Variants in NXPE2 observed in about 807,000 individuals in gnomAD.
NXPE2 encodes the protein neurexophilin and PC-esterase domain family member 2.
NXPE2 carries 34 observed loss-of-function variants against 34.4 expected under a neutral mutation model. That is an observed-to-expected ratio of 0.99 (90% CI 0.75 to 1.31). The LOEUF is 1.31. NXPE2 is among the 40% of genes most tolerant of loss of function. The pLI is 0.00. For synonymous variants in NXPE2, 235 were observed against 231.3 expected (o/e 1.02, Z -0.15); for missense variants, 649 against 672.5 (o/e 0.97, Z 0.39).
At chr11:114,557,834 A>T in the NXPE2 span, among the ~76,000 whole-genome samples, 5 of 151,916 alleles carry the variant, frequency 3.3e-5, no homozygotes, top group Middle Eastern at 3.4e-3. Flanking sequence ...GTTACATTTT[A>T]AAAAATCTTA....
chr11:114,687,171 T>C (rs186328600), intron 2 of NXPE2, among the ~76,000 whole-genome samples: 11 of 152,228 alleles, frequency 7.2e-5, no homozygotes, highest in Admixed American at 7.2e-4. Context: ...GAGGGCTTAG[T>C]TATAAATTCT....
the NXPE2 span, among the ~76,000 whole-genome samples, chr11:114,614,160 C>G: frequency 6.7e-6 from 1 of 148,542 alleles, no homozygotes; most frequent in Non-Finnish European, 1.5e-5. Flanking sequence ...TCATGGGTAC[C>G]AACTCTTACC....
chr11:114,491,871 A>T, the NXPE2 span, among the ~76,000 whole-genome samples: 1 of 152,216 alleles, frequency 6.6e-6, no homozygotes, highest in Non-Finnish European at 1.5e-5. Context: ...GACATGGATG[A>T]AGCTGGAAAC....
chr11:114,492,516 C>T, the NXPE2 span, among the ~76,000 whole-genome samples: 8 of 151,460 alleles, frequency 5.3e-5, no homozygotes, highest in African/African-American at 1.9e-4. Context: ...ATCTGTAGTG[C>T]AGATTAAGTC....
chr11:114,601,226 T>C, the NXPE2 span, among the ~76,000 whole-genome samples: 2 of 151,182 alleles, frequency 1.3e-5, no homozygotes, highest in African/African-American at 4.9e-5. Context: ...AAGTAATTTT[T>C]CATCCCATTT....
Position 114,698,532 on chromosome 11 carries a change from G to A in NXPE2, c.620G>A (p.Arg207Lys). ...SEGVSALWRARNQGCDRIIFT... is the reference protein window; with the variant it reads ...SEGVSALWRAKNQGCDRIIFT... ...GGGGTATCAGCTCTCTGGAGGGCAA[G>A]GAACCAAGGATGTGATAGGATCATC... The change falls in exon 3 of 6, where the codon AGG (arginine) becomes AAG (lysine). Residue 207 changes from arginine (R) to lysine (K), a missense_variant. Physicochemically the swap from Arg to Lys is conservative, Grantham distance 26 (BLOSUM62 2). Transcript: ENST00000389586. The A allele has an allele frequency of 6.2e-7, 1 of 1,614,120 alleles. No individual in the cohort carries two copies. The highest frequency in any genetic ancestry group is 8.5e-7 in the Non-Finnish European group (1 of 1,179,980).
At chr11:114,537,105 G>T in the NXPE2 span, among the ~76,000 whole-genome samples, 1 of 152,122 alleles carries the variant, frequency 6.6e-6, no homozygotes, top group Non-Finnish European at 1.5e-5. Context: ...CTTCAACCCT[G>T]GGATGCAAGG....
the NXPE2 span, among the ~76,000 whole-genome samples, chr11:114,588,080 A>G: frequency 6.6e-5 from 10 of 152,182 alleles, no homozygotes; most frequent in Non-Finnish European, 4.4e-5. Context: ...TTCAGCAGTC[A>G]TATCAGGAGG....
the NXPE2 span, among the ~76,000 whole-genome samples, chr11:114,657,053 C>G: frequency 6.6e-6 from 1 of 152,156 alleles, no homozygotes; most frequent in Non-Finnish European, 1.5e-5. Flanking sequence ...GAGATTGCGC[C>G]ACTGCACTCC....
the NXPE2 span, among the ~76,000 whole-genome samples, chr11:114,474,526 G>A: frequency 1.3e-5 from 2 of 152,196 alleles, no homozygotes; most frequent in Middle Eastern, 3.2e-3. Flanking sequence ...AGTGTATCAA[G>A]TAAGACTTAC....
chr11:114,803,584 C>CTCTCTTT, the NXPE2 span, among the ~76,000 whole-genome samples: 55 of 144,588 alleles, frequency 3.8e-4, no homozygotes, highest in African/African-American at 1.4e-3. Flanking sequence ...CTCTCTCTCT[C>CTCTCTTT]TTTTTTTTTT....
the NXPE2 span, among the ~76,000 whole-genome samples, chr11:114,714,620 T>C: frequency 6.6e-6 from 1 of 152,224 alleles, no homozygotes; most frequent in Non-Finnish European, 1.5e-5. Context: ...TTCTGTTGGC[T>C]TCATTTTCAG....
the NXPE2 span, among the ~76,000 whole-genome samples, chr11:114,757,379 GT>G: frequency 1.3e-5 from 2 of 150,646 alleles, no homozygotes; most frequent in African/African-American, 4.9e-5. Context: ...TGACATTTGG[GT>G]TTTGGTGAGA....
At chr11:114,583,027 A>G in the NXPE2 span, 2 of 1,598,416 alleles carry the variant, frequency 1.3e-6, no homozygotes, top group Non-Finnish European at 1.7e-6. Flanking sequence ...CAAACCTGAA[A>G]TGACAGCAAA....
chr11:114,776,311 T>C, the NXPE2 span, among the ~76,000 whole-genome samples: 2 of 152,246 alleles, frequency 1.3e-5, no homozygotes, highest in African/African-American at 2.4e-5. Flanking sequence ...CTTGTCATCT[T>C]GTCCGTTTTG....
chr11:114,706,061 AATT>A (rs1235848103), intron 5 of NXPE2, 65 bp downstream of exon 5: 2 of 615,598 alleles, frequency 3.2e-6, no homozygotes, highest in African/African-American at 1.9e-5. Context: ...TAATAATTAG[AATT>A]ATTTGCTTTT....
At chr11:114,603,101 T>G in the NXPE2 span, among the ~76,000 whole-genome samples, 1 of 151,854 alleles carries the variant, frequency 6.6e-6, no homozygotes, top group Non-Finnish European at 1.5e-5. Context: ...ATTATTGTCT[T>G]GTCTCATAGG....
At chr11:114,629,781 CA>C in the NXPE2 span, among the ~76,000 whole-genome samples, 1 of 150,910 alleles carries the variant, frequency 6.6e-6, no homozygotes, top group African/African-American at 2.4e-5. Context: ...CCCATTGTCT[CA>C]GCCCAAAATC....
the NXPE2 span, among the ~76,000 whole-genome samples, chr11:114,597,186 G>A: frequency 6.6e-6 from 1 of 151,952 alleles, no homozygotes; most frequent in Non-Finnish European, 1.5e-5. Context: ...TTAAAAAGTG[G>A]TATACATAAT....
Sources: allele counts gnomAD v4.1 joint callset (sites outside exome capture counted in the v4.1 genomes callset), GRCh38; gene constraint gnomAD v4.1.1; transcripts MANE v1.5; gene names NCBI Gene and HGNC (gene_info 2026-07-23, HGNC 2026-07-21).